ATP10B: variants seen among roughly 807,000 people sequenced by gnomAD.
ATP10B encodes the protein ATPase phospholipid transporting 10B (putative), also known as phospholipid-transporting ATPase VB.
Under a neutral mutation model 141.2 loss-of-function variants are expected in ATP10B, and 122 were observed. The observed-to-expected ratio is 0.86, with a 90% CI of 0.75 to 1.00. The LOEUF is 1.00. Ranked by LOEUF, ATP10B falls within the 50% of genes least tolerant of loss-of-function variation. The pLI is 0.00. For synonymous variants in ATP10B, 685 were observed against 692.0 expected, an observed-to-expected ratio of 0.99 and a Z score of 0.16; for missense variants, 1,876 against 1,825.3, an observed-to-expected ratio of 1.03 and a Z score of -0.51.
chr5:160,802,625 A>G (rs1409864873), intron 1 of ATP10B, among the ~76,000 whole-genome samples: 1 of 152,238 alleles, frequency 6.6e-6, no homozygotes, highest in Non-Finnish European at 1.5e-5. Context: ...GGTAAGGGAC[A>G]CTGCTAAGTT....
chr5:160,580,455 G>T (rs1039099094), intron 24 of ATP10B, among the ~76,000 whole-genome samples: 5 of 90,052 alleles, frequency 5.6e-5, no homozygotes. Flanking sequence ...TTATGTGATG[G>T]ATTACATTTA....
intron 6 of ATP10B, among the ~76,000 whole-genome samples, chr5:160,675,648 T>G (rs961808183): frequency 6.6e-6 from 1 of 152,204 alleles, no homozygotes; most frequent in African/African-American, 2.4e-5. Flanking sequence ...GAAGCTCGAA[T>G]GCCAGGCCCA....
chr5:160,593,928 G>A (rs574290675), intron 22 of ATP10B, among the ~76,000 whole-genome samples: 25 of 152,312 alleles, frequency 1.6e-4, no homozygotes, highest in Non-Finnish European at 3.1e-4. Context: ...TGAAAGTGAC[G>A]GGGAGAAAGA....
intron 7 of ATP10B, among the ~76,000 whole-genome samples, chr5:160,669,252 A>G (rs2127723562): frequency 6.6e-6 from 1 of 152,340 alleles, no homozygotes. Flanking sequence ...ATTAATACCA[A>G]CTGTTCCCTG....
chr5:160,609,455 T>C lies in ATP10B; in HGVS notation c.2839-2369A>G, dbSNP rs139662546. On this transcript the variant is annotated intron_variant, in intron 18 of 25. Transcript: ENST00000327245. ...GTGCAGTGGCATAATCTCAGCTCAC[T>C]GCAACCTCTGCCTCCTGGGTTCAAG... 9.4e-3 allele frequency among the ~76,000 whole-genome samples: 1,436 copies of C among 151,972 alleles called. 26 individuals are homozygous for C. The highest frequency in any genetic ancestry group is 0.03 in the African/African-American group (1,253 of 41,426).
Position 160,688,041 on chromosome 5 carries a change from A to G in ATP10B, c.34T>C (p.Trp12Arg). Residue 12 changes from tryptophan (W) to arginine (R), a missense_variant, in exon 5 of 26, where the codon TGG becomes CGG. Trp to Arg is a moderately radical substitution (Grantham distance 101). Coordinates refer to ENST00000327245, the MANE Select transcript of ATP10B (RefSeq NM_025153.3). Reference protein sequence around the residue: ...ALSVDSSWHRWQWRVRDGFPH... With the variant: ...ALSVDSSWHRRQWRVRDGFPH... ...AAGCCATCTCTGACTCTCCACTGCC[A>G]CCGATGCCACGATGAGTCCACTGAG... is the stretch of plus-strand genomic sequence containing the variant. 1.2e-6 allele frequency: 2 copies of G among 1,613,560 alleles called. No homozygotes were observed. Among genetic ancestry groups the G allele is most frequent in the East Asian group, 2.2e-5 (1 of 44,874 alleles).
the ATP10B span, among the ~76,000 whole-genome samples, chr5:160,870,363 GA>G: frequency 2.0e-5 from 3 of 151,334 alleles, no homozygotes; most frequent in Admixed American, 2.0e-4. Context: ...TGGATATGAT[GA>G]TTATAAAAAA....
At chr5:160,796,153 C>A (rs761814211) in intron 1 of ATP10B, among the ~76,000 whole-genome samples, 19 of 152,160 alleles carry the variant, frequency 1.2e-4, no homozygotes, top group Non-Finnish European at 2.4e-4. Context: ...TATCATACCA[C>A]AAAGCATTCT....
At chr5:160,652,769 T>C (rs1760862481) in intron 7 of ATP10B, among the ~76,000 whole-genome samples, 1 of 106,324 alleles carries the variant, frequency 9.4e-6, no homozygotes, top group Non-Finnish European at 1.7e-5. Context: ...ATTATATACA[T>C]AAATATAAAT....
chr5:160,691,296 G>T (rs1352959813), intron 3 of ATP10B, among the ~76,000 whole-genome samples: 1 of 152,020 alleles, frequency 6.6e-6, no homozygotes, highest in Non-Finnish European at 1.5e-5. Context: ...CATGGCACAG[G>T]TATACTTATG....
intron 11 of ATP10B, among the ~76,000 whole-genome samples, chr5:160,635,896 A>T (rs1759330867): frequency 6.6e-6 from 1 of 152,194 alleles, no homozygotes; most frequent in Non-Finnish European, 1.5e-5. Flanking sequence ...TGGCAAAGGG[A>T]CAGGCACATA....
At chr5:160,804,284 T>C (rs1314252741) in intron 1 of ATP10B, among the ~76,000 whole-genome samples, 1 of 152,208 alleles carries the variant, frequency 6.6e-6, no homozygotes, top group African/African-American at 2.4e-5. Flanking sequence ...CTGGTCTCAA[T>C]TGTATACTCA....
At chr5:160,895,121 C>T in the ATP10B span, among the ~76,000 whole-genome samples, 12 of 152,050 alleles carry the variant, frequency 7.9e-5, no homozygotes, top group Non-Finnish European at 1.5e-4. Flanking sequence ...TAAAGACCAT[C>T]GAAATTATGA....
At chr5:160,798,379 T>A (rs936674275) in intron 1 of ATP10B, among the ~76,000 whole-genome samples, 1 of 152,118 alleles carries the variant, frequency 6.6e-6, no homozygotes, top group South Asian at 2.1e-4. Context: ...TATACTGGAG[T>A]AGAGTGGGCC....
the ATP10B span, among the ~76,000 whole-genome samples, chr5:160,874,369 C>A: frequency 1.4e-4 from 22 of 152,188 alleles, no homozygotes; most frequent in East Asian, 3.9e-3. Context: ...ACATCCACAC[C>A]AAAAACTCAT....
intron 7 of ATP10B, among the ~76,000 whole-genome samples, chr5:160,662,692 C>G (rs1384946409): frequency 6.6e-6 from 1 of 152,068 alleles, no homozygotes; most frequent in Non-Finnish European, 1.5e-5. Flanking sequence ...CCATAAAAAC[C>G]CTAGAAGAAA....
intron 3 of ATP10B, among the ~76,000 whole-genome samples, chr5:160,716,635 C>T (rs1400334505): frequency 1.3e-5 from 2 of 152,208 alleles, no homozygotes; most frequent in African/African-American, 4.8e-5. Flanking sequence ...GGTTCAGCCA[C>T]ATTTAACAAC....
intron 2 of ATP10B, among the ~76,000 whole-genome samples, chr5:160,762,272 C>T (rs1769103370): frequency 6.6e-6 from 1 of 152,090 alleles, no homozygotes; most frequent in South Asian, 2.1e-4. Context: ...ATCGGGTTAT[C>T]TAAAGTCAGG....
Position 160,564,750 on chromosome 5 carries a change from T to C in ATP10B, c.*703A>G, listed in dbSNP as rs1754435960. On this transcript the variant is annotated 3_prime_UTR_variant, in exon 26 of 26. Transcript: ENST00000327245. ...TATGGTCTGTCAGCCAAAACAGGGG[T>C]CTCTGGTGCACCCGTTCCCTTTTGC... is the stretch of plus-strand genomic sequence containing the variant. 1 of 152,110 alleles carries C rather than the reference T, an allele frequency of 6.6e-6. No individual in the cohort carries two copies. Among genetic ancestry groups the C allele is most frequent in the Non-Finnish European group, 1.5e-5 (1 of 68,026 alleles). 9.4% of individuals were successfully genotyped at this position (152,110 alleles called of 1,614,324 possible).
Sources: allele counts gnomAD v4.1 joint callset (sites outside exome capture counted in the v4.1 genomes callset), GRCh38; gene constraint gnomAD v4.1.1; transcripts MANE v1.5; gene names NCBI Gene and HGNC (gene_info 2026-07-23, HGNC 2026-07-21).